Variants in CTNNA3 observed in about 807,000 individuals in gnomAD.
The protein encoded by CTNNA3 is catenin alpha 3, also known as catenin alpha-3.
Under a neutral mutation model 95.7 loss-of-function variants are expected in CTNNA3, and 76 were observed. The ratio of observed to expected loss-of-function variants is 0.79; its 90% CI spans 0.66 to 0.96. The LOEUF is 0.96. CTNNA3 is among the 40% of genes least tolerant of loss of function. The pLI is 0.00. For missense variants in CTNNA3, 1,191 were observed against 1,089.8 expected (o/e 1.09, Z -1.31); for synonymous variants, 431 against 374.4 (o/e 1.15, Z -1.74).
chr10:66,863,213 A>G lies in CTNNA3; in HGVS notation c.1048-87689T>C, dbSNP rs937606808. ...CACACACACACACACACACACACGCACACACATATATATATATAATACAAT... is the reference window on the plus strand; with the variant it reads ...CACACACACACACACACACACACGCGCACACATATATATATATAATACAAT... On this transcript the variant is annotated intron_variant, in intron 7 of 17. Transcript: ENST00000433211. Among the ~76,000 whole-genome samples, 10 of 147,728 alleles carry G rather than the reference A, an allele frequency of 6.8e-5. No individual in the cohort carries two copies. In the South Asian group the frequency reaches 1.7e-3, roughly 26 times the overall value.
At chr10:67,741,786 G>A (rs942727983) in intron 1 of CTNNA3, among the ~76,000 whole-genome samples, 1 of 151,078 alleles carries the variant, frequency 6.6e-6, no homozygotes, top group Admixed American at 6.6e-5. Flanking sequence ...GACACACATA[G>A]GATCAAAATA....
intron 15 of CTNNA3, among the ~76,000 whole-genome samples, chr10:66,067,925 T>A (rs1003402990): frequency 1.7e-4 from 26 of 151,848 alleles, no homozygotes; most frequent in African/African-American, 6.3e-4. Flanking sequence ...CAAAAAAAAA[T>A]AAAAAGTTTA....
chr10:66,939,511 C>A (rs1314075935), intron 7 of CTNNA3, among the ~76,000 whole-genome samples: 1 of 152,226 alleles, frequency 6.6e-6, no homozygotes, highest in East Asian at 1.9e-4. Flanking sequence ...GTATTCAACT[C>A]TTTTGTTTGG....
chr10:66,347,370 G>A (rs1182706868), intron 12 of CTNNA3, among the ~76,000 whole-genome samples: 1 of 151,980 alleles, frequency 6.6e-6, no homozygotes, highest in East Asian at 1.9e-4. Flanking sequence ...AAGCACTTTG[G>A]GAGGCCAAGG....
intron 5 of CTNNA3, among the ~76,000 whole-genome samples, chr10:67,269,682 TGGTG>T (rs1251079951): frequency 6.6e-6 from 1 of 152,162 alleles, no homozygotes; most frequent in African/African-American, 2.4e-5. Flanking sequence ...GTTTCTGAAA[TGGTG>T]AACATATCAG....
intron 5 of CTNNA3, among the ~76,000 whole-genome samples, chr10:67,305,598 A>AAAAG (rs1840521485): frequency 6.6e-6 from 1 of 152,010 alleles, no homozygotes; most frequent in Non-Finnish European, 1.5e-5. Context: ...GAATTGTAAA[A>AAAAG]AAATAAATAA....
chr10:66,337,149 T>A (rs1160034004), intron 12 of CTNNA3, among the ~76,000 whole-genome samples: 3 of 152,164 alleles, frequency 2.0e-5, no homozygotes, highest in Non-Finnish European at 4.4e-5. Flanking sequence ...GGGTTTATCA[T>A]AGTTATTGGA....
At chr10:66,321,197 G>T (rs1180343444) in intron 12 of CTNNA3, among the ~76,000 whole-genome samples, 1 of 151,512 alleles carries the variant, frequency 6.6e-6, no homozygotes, top group Non-Finnish European at 1.5e-5. Flanking sequence ...TTGTTGAATA[G>T]GTAAAAAATA....
Position 67,258,421 on chromosome 10 carries a change from G to C in CTNNA3, c.580-38551C>G, listed in dbSNP as rs780808392. On this transcript the variant is annotated intron_variant, in intron 5 of 17. Coordinates refer to ENST00000433211, the MANE Select transcript of CTNNA3 (RefSeq NM_013266.4). The stretch of plus-strand genomic sequence containing the variant: ...GACCTCCCAAAGTGCTGCGATTACA[G>C]GTGTGAGCCACAGTGCCCGGCCACA... 3.3e-5 allele frequency among the ~76,000 whole-genome samples: 5 copies of C among 152,136 alleles called. No individual in the cohort carries two copies. The South Asian group carries it at 1.0e-3, about 32-fold the overall frequency.
At chr10:67,401,267 G>A (rs1213445097) in intron 5 of CTNNA3, among the ~76,000 whole-genome samples, 1 of 152,078 alleles carries the variant, frequency 6.6e-6, no homozygotes, top group African/African-American at 2.4e-5. Flanking sequence ...AAACCACCCA[G>A]TTTCAGCATA....
chr10:67,435,576 C>G (rs1026512267), intron 5 of CTNNA3, among the ~76,000 whole-genome samples: 2 of 151,930 alleles, frequency 1.3e-5, no homozygotes, highest in African/African-American at 4.8e-5. Context: ...CTTGAAAACC[C>G]TGAAGATTCC....
At chr10:66,087,944 C>T (rs972645152) in intron 14 of CTNNA3, among the ~76,000 whole-genome samples, 7 of 151,896 alleles carry the variant, frequency 4.6e-5, no homozygotes, top group African/African-American at 2.4e-5. Context: ...TTACAGTGGG[C>T]TTTAATAATG....
At chr10:67,401,676 C>T (rs1367283789) in intron 5 of CTNNA3, among the ~76,000 whole-genome samples, 3 of 152,254 alleles carry the variant, frequency 2.0e-5, no homozygotes, top group Admixed American at 2.0e-4. Context: ...CCCAAGCAGA[C>T]CTGATGAGGG....
At chr10:66,760,675 A>G (rs1157606909) in intron 9 of CTNNA3, among the ~76,000 whole-genome samples, 2 of 152,146 alleles carry the variant, frequency 1.3e-5, no homozygotes, top group Non-Finnish European at 2.9e-5. Flanking sequence ...TTATATTCCA[A>G]AGACCGTAAG....
At chr10:66,978,813 G>A (rs1850233144) in intron 7 of CTNNA3, among the ~76,000 whole-genome samples, 1 of 151,006 alleles carries the variant, frequency 6.6e-6, no homozygotes, top group African/African-American at 2.4e-5. Flanking sequence ...TGCAACAAAT[G>A]TGGTCCTAAA....
At chr10:66,627,588 A>G (rs1844982360) in intron 9 of CTNNA3, among the ~76,000 whole-genome samples, 2 of 152,146 alleles carry the variant, frequency 1.3e-5, no homozygotes, top group East Asian at 3.9e-4. Context: ...CTAATCTCAG[A>G]TGGATACTTT....
intron 5 of CTNNA3, among the ~76,000 whole-genome samples, chr10:67,510,480 G>A (rs781220750): frequency 6.6e-6 from 1 of 150,412 alleles, no homozygotes; most frequent in African/African-American, 2.4e-5. Flanking sequence ...TTTTGGTCAG[G>A]TTTGTCAAAG....
At chr10:66,430,164 GA>G (rs2093281354) in intron 11 of CTNNA3, among the ~76,000 whole-genome samples, 1 of 147,122 alleles carries the variant, frequency 6.8e-6, no homozygotes, top group Non-Finnish European at 1.5e-5. Context: ...TTGCTTCAAA[GA>G]GAATGAAATA....
chr10:66,799,794 G>A (rs997729428), intron 7 of CTNNA3, among the ~76,000 whole-genome samples: 4 of 151,238 alleles, frequency 2.6e-5, no homozygotes, highest in African/African-American at 9.7e-5. Context: ...AAATTCAAAG[G>A]AAACAGAACT....
Sources: gnomAD v4.1 joint callset for allele counts (sites outside exome capture counted in the v4.1 genomes callset) on GRCh38, gnomAD v4.1.1 for gene constraint, MANE v1.5 for transcripts, NCBI Gene and HGNC (gene_info 2026-07-23, HGNC 2026-07-21) for gene names.